The following TRAK1 variants were observed in gnomAD, a reference collection of about 807,000 sequenced individuals.
TRAK1 encodes the protein trafficking kinesin protein 1.
In TRAK1, 33 loss-of-function variants were observed where a neutral mutation model predicts 92.1. That is an observed-to-expected ratio of 0.36 (90% confidence interval 0.27 to 0.48). TRAK1 has a LOEUF of 0.48. Ranked by LOEUF, TRAK1 falls within the 20% of genes least tolerant of loss-of-function variation. The pLI is 0.99. For synonymous variants in TRAK1, 521 were observed against 517.3 expected (o/e 1.01, Z -0.10); for missense variants, 1,123 against 1,257.9 (o/e 0.89, Z 1.62).
At chr3:42,053,394 AT>A (rs1703067094) in intron 1 of TRAK1, among the ~76,000 whole-genome samples, 1 of 78,316 alleles carries the variant, frequency 1.3e-5, no homozygotes, top group Non-Finnish European at 2.9e-5. Context: ...GGGGCGGGGG[AT>A]GGCAAAGGGG....
At chr3:42,030,676 A>G (rs1702098979) in intron 1 of TRAK1, among the ~76,000 whole-genome samples, 1 of 103,944 alleles carries the variant, frequency 9.6e-6, no homozygotes, top group African/African-American at 3.6e-5. Flanking sequence ...CCATCTCAAA[A>G]AAAAAAAAAA....
At position 42,091,642 on chromosome 3, in the gene TRAK1, G is replaced by C. The variant is rs1705079388; in HGVS notation, c.91+82G>C. The C allele has an allele frequency of 7.2e-6, 10 of 1,389,356 alleles. No homozygotes were observed. In the African/African-American group the frequency reaches 8.7e-5, roughly 12 times the overall value. The allele number at this position is 1,389,356 out of a possible 1,614,324, so 86.1% of individuals were successfully genotyped here. On this transcript the variant is annotated intron_variant, in intron 1 of 15. Transcript: ENST00000327628. ...AGGAGAAAAGACCACAGGAGAAGCT[G>C]TCTCTCTCTTGCTCCGTGCTGCTTG...
rs986085505 is a variant in TRAK1 at position 42,193,135 on chromosome 3, C to G, written c.830C>G (p.Ala277Gly). The G allele has an allele frequency of 6.2e-7, 1 of 1,614,184 alleles. No homozygotes were observed. Among genetic ancestry groups the G allele is most frequent in the Non-Finnish European group, 8.5e-7 (1 of 1,180,020 alleles). The change falls in exon 8 of 16, where the codon GCT becomes GGT. Residue 277 changes from alanine (A) to glycine (G), a missense_variant. Around this residue, in one of 3 missense-constraint regions of TRAK1, gnomAD observed 686 missense variants for 747.6 expected, o/e 0.92. Transcript: ENST00000327628. The part of the protein sequence containing the change: ...SEELAKKTED[A>G]ARQQEEITHL... ...GAACTGGCCAAGAAGACGGAAGATG[C>G]TGCCCGCCAGCAAGAGGAGATCACA... is the stretch of plus-strand genomic sequence containing the variant.
chr3:42,222,275 T>C (rs1710434913), intron 15 of TRAK1, among the ~76,000 whole-genome samples: 1 of 152,114 alleles, frequency 6.6e-6, no homozygotes, highest in African/African-American at 2.4e-5. Flanking sequence ...CCCGCGACCC[T>C]CTAACTCCAC....
upstream of TRAK1, among the ~76,000 whole-genome samples, chr3:42,089,530 G>A (rs933259641): frequency 2.6e-5 from 4 of 152,026 alleles, no homozygotes; most frequent in Non-Finnish European, 4.4e-5. Context: ...TGTGCCCTCC[G>A]TGCTCCAGGT....
chr3:42,027,447 C>T (rs183141876), intron 1 of TRAK1, among the ~76,000 whole-genome samples: 7 of 151,758 alleles, frequency 4.6e-5, no homozygotes, highest in East Asian at 1.9e-4. Flanking sequence ...GGCGTTAACC[C>T]GGGAGGTGGA....
chr3:42,123,699 A>G (rs908535916), intron 1 of TRAK1, among the ~76,000 whole-genome samples: 8 of 130,520 alleles, frequency 6.1e-5, no homozygotes, highest in Admixed American at 3.4e-4. Context: ...TTTATTTGTC[A>G]CAAGTATTTT....
intron 1 of TRAK1, among the ~76,000 whole-genome samples, chr3:42,032,257 G>A (rs1314813917): frequency 6.6e-6 from 1 of 152,160 alleles, no homozygotes; most frequent in Non-Finnish European, 1.5e-5. Flanking sequence ...TAATCAACAC[G>A]GAGAGTTGGG....
chr3:42,139,851 G>A lies in TRAK1; in HGVS notation c.286+14237G>A, dbSNP rs892053302. ...CCCGTGATGGGCCCAGGCTACTGTG[G>A]TTCAGCTGAGTTTTGGCGTGAATGG... On this transcript the variant is annotated intron_variant, in intron 2 of 15. Coordinates refer to ENST00000327628, the MANE Select transcript of TRAK1 (RefSeq NM_001042646.3). Among the ~76,000 whole-genome samples the A allele has an allele frequency of 3.3e-5, 5 of 152,266 alleles. No homozygotes were observed. In the South Asian group the frequency reaches 8.3e-4, roughly 25 times the overall value.
At chr3:42,207,628 C>G (rs1042231285) in intron 13 of TRAK1, among the ~76,000 whole-genome samples, 3 of 152,164 alleles carry the variant, frequency 2.0e-5, no homozygotes, top group African/African-American at 7.2e-5. Flanking sequence ...GTAAAACAAA[C>G]TGCGATGCAG....
chr3:42,060,780 A>G (rs1703401598), intron 1 of TRAK1, among the ~76,000 whole-genome samples: 2 of 149,394 alleles, frequency 1.3e-5, no homozygotes. Flanking sequence ...TGTGCCCGCC[A>G]CCACTCCTGG....
chr3:42,144,787 A>C (rs1309292974), intron 2 of TRAK1, among the ~76,000 whole-genome samples: 1 of 151,742 alleles, frequency 6.6e-6, no homozygotes, highest in African/African-American at 2.4e-5. Context: ...TGTTTCTGTT[A>C]CATATAAAAT....
At chr3:42,198,722 G>C (rs1707107421) in intron 10 of TRAK1, among the ~76,000 whole-genome samples, 2 of 152,164 alleles carry the variant, frequency 1.3e-5, no homozygotes, top group Non-Finnish European at 2.9e-5. Flanking sequence ...GACAGACCCT[G>C]TAGACTAGGG....
At chr3:42,114,473 T>C (rs554423006) in intron 1 of TRAK1, among the ~76,000 whole-genome samples, 1 of 152,282 alleles carries the variant, frequency 6.6e-6, no homozygotes, top group South Asian at 2.1e-4. Flanking sequence ...TTTTTATTCC[T>C]TTCTTAGATT....
At chr3:42,212,281 G>T in intron 14 of TRAK1, 2 of 985,374 alleles carry the variant, frequency 2.0e-6, no homozygotes, top group Non-Finnish European at 2.4e-6. Flanking sequence ...CTACGCTTGG[G>T]CTTTTCTGTT....
intron 1 of TRAK1, among the ~76,000 whole-genome samples, chr3:42,098,312 C>T (rs1706243730): frequency 6.6e-6 from 1 of 152,080 alleles, no homozygotes; most frequent in Non-Finnish European, 1.5e-5. Context: ...TTCTTAAGTA[C>T]AGGCAGCAGG....
chr3:42,212,994 A>G (rs1006278141), intron 14 of TRAK1, among the ~76,000 whole-genome samples: 21 of 151,962 alleles, frequency 1.4e-4, no homozygotes, highest in Admixed American at 5.2e-4. Flanking sequence ...GAATCATGGC[A>G]TCTTGACATC....
rs1166615309 is a variant in TRAK1, at chr3:42,194,806, G to C, written c.978G>C (p.Leu326=). 6.2e-7 allele frequency: 1 copy of C among 1,613,432 alleles called. No individual in the cohort carries two copies. The highest frequency in any genetic ancestry group is 8.5e-7 in the Non-Finnish European group (1 of 1,179,712). The change falls in exon 10 of 16, where the codon CTG becomes CTC. Residue 326 remains leucine, a splice_region_variant and synonymous_variant. Coordinates refer to ENST00000327628, the MANE Select transcript of TRAK1 (RefSeq NM_001042646.3). ...KDAQRQLTAE[L]RELEDKYAEC... ...CTCTGTGTCTTTCCTGCCTGCAGCT[G>C]CGTGAGCTGGAGGACAAGTACGCAG...
upstream of TRAK1, among the ~76,000 whole-genome samples, chr3:42,083,472 C>T (rs1559745120): frequency 6.6e-6 from 1 of 152,196 alleles, no homozygotes; most frequent in Non-Finnish European, 1.5e-5. Context: ...CTTGGATCCC[C>T]TCAGGACCAT....
Sources: gnomAD v4.1 joint callset for allele counts (sites outside exome capture counted in the v4.1 genomes callset) on GRCh38, gnomAD v4.1.1 for gene constraint, gnomAD v4.1.1 regional missense constraint, MANE v1.5 for transcripts, NCBI Gene and HGNC (gene_info 2026-07-23, HGNC 2026-07-21) for gene names.